C7orf57: variants seen among roughly 807,000 people sequenced by gnomAD.
C7orf57 encodes the protein chromosome 7 open reading frame 57, also known as uncharacterized protein C7orf57.
In C7orf57, 33 loss-of-function variants were observed where a neutral mutation model predicts 39.0. The ratio of observed to expected loss-of-function variants is 0.85; its 90% CI spans 0.64 to 1.13. The LOEUF is 1.13. C7orf57 is among the 50% of genes most tolerant of loss of function. The probability of loss-of-function intolerance (pLI) is 0.00; values close to 1 mark genes in which losing one functional copy is unlikely to be tolerated. For missense variants in C7orf57, 346 were observed against 362.3 expected (o/e 0.95, Z 0.37); for synonymous variants, 124 against 137.1 (o/e 0.90, Z 0.67).
Position 48,051,851 on chromosome 7 carries a change from CTTT to C in C7orf57, c.606-848_606-846del, listed in dbSNP as rs1562630238. On this transcript the variant is annotated intron_variant, in intron 6 of 8. Transcript: ENST00000348904. Reference sequence around the variant, plus strand: ...TCTTTCTTTCTTTCTTTCTTTCTTTCTTTCTTTCTTTCTTTCTTTCTCTTTCTC... The same window carrying C: ...TCTTTCTTTCTTTCTTTCTTTCTTTCCTTTCTTTCTTTCTTTCTCTTTCTC... Among the ~76,000 whole-genome samples the C allele has an allele frequency of 9.0e-4, 59 of 65,600 alleles. 10 individuals are homozygous for C. The highest frequency in any genetic ancestry group is 1.1e-4 in the Non-Finnish European group (4 of 35,006). 43.0% of individuals were successfully genotyped at this position (65,600 alleles called of 152,430 possible). A position where few individuals can be genotyped will look rare whatever the true frequency, so the allele number is the denominator to read the frequency against.
chr7:48,040,503 C>T (rs1180045325), intron 2 of C7orf57, among the ~76,000 whole-genome samples: 1 of 152,186 alleles, frequency 6.6e-6, no homozygotes, highest in Non-Finnish European at 1.5e-5. Flanking sequence ...TTTCAGGAAC[C>T]ATCTAGACCT....
At chr7:48,055,731 A>G (rs1791097980) in intron 8 of C7orf57, among the ~76,000 whole-genome samples, 1 of 152,142 alleles carries the variant, frequency 6.6e-6, no homozygotes, top group Admixed American at 6.6e-5. Flanking sequence ...GTCTTTCTGT[A>G]CCTGGCTTAT....
Position 48,043,338 on chromosome 7 carries a change from A to ATGCTC in C7orf57, c.242-140_242-136dup, listed in dbSNP as rs573295717. On this transcript the variant is annotated intron_variant, in intron 3 of 8. Coordinates refer to ENST00000348904, the MANE Select transcript of C7orf57 (RefSeq NM_001100159.3). Reference sequence around the variant, plus strand: ...GTGCACAGACAGGTGAGGATCAGGGATGCTCTGTTAGTCCCTGGATCCCAG... The same window carrying ATGCTC: ...GTGCACAGACAGGTGAGGATCAGGGATGCTCTGCTCTGTTAGTCCCTGGATCCCAG... 2.3e-4 allele frequency: 146 copies of ATGCTC among 643,432 alleles called. 2 individuals are homozygous for ATGCTC. In the South Asian group the frequency reaches 2.4e-3, roughly 10 times the overall value. The allele number at this position is 643,432 out of a possible 1,614,324, so 39.9% of individuals were successfully genotyped here.
At chr7:48,043,618 GTTTATC>G in intron 4 of C7orf57, 29 bp downstream of exon 4, 1 of 1,567,576 alleles carries the variant, frequency 6.4e-7, no homozygotes, top group Non-Finnish European at 8.8e-7. Context: ...TCACATTTTT[GTTTATC>G]TTTACAGGAA....
rs553479252 is a variant in C7orf57, at chr7:48,036,163, C to A, written c.-101-45C>A. 6.8e-5 allele frequency: 53 copies of A among 774,692 alleles called. No homozygotes were observed. In the South Asian group the frequency reaches 6.9e-4, roughly 10 times the overall value. 48.0% of individuals were successfully genotyped at this position (774,692 alleles called of 1,614,324 possible). On this transcript the variant is annotated intron_variant, in intron 1 of 8. Transcript: ENST00000348904. ...CGCCTGCAGGCGTGTCAGGGCGAGG[C>A]GTACAGACCGACCCAGAGCGGGCGC...
In C7orf57 at chr7:48,060,222, G is replaced by A; in HGVS notation, c.842-4G>A. 1 of 1,523,456 alleles carries A rather than the reference G, an allele frequency of 6.6e-7. No individual in the cohort carries two copies. The highest frequency in any genetic ancestry group is 8.9e-7 in the Non-Finnish European group (1 of 1,127,824). 94.4% of individuals were successfully genotyped at this position (1,523,456 alleles called of 1,614,324 possible). ...TCTACTCATTTATTTACTTTGTGTT[G>A]CAGGCCCAGAAGAATCTGTATCTGC... is the stretch of plus-strand genomic sequence containing the variant. On this transcript the variant is annotated splice_region_variant and splice_polypyrimidine_tract_variant and intron_variant, in intron 8 of 8. Transcript: ENST00000348904.
chr7:48,056,888 C>G (rs1337766249), intron 8 of C7orf57, among the ~76,000 whole-genome samples: 1 of 152,082 alleles, frequency 6.6e-6, no homozygotes, highest in African/African-American at 2.4e-5. Flanking sequence ...AAGAAACTGT[C>G]CTTTCCCTCA....
At chr7:48,039,795 A>ACCC (rs1790492905) in intron 2 of C7orf57, among the ~76,000 whole-genome samples, 5 of 47,688 alleles carry the variant, frequency 1.0e-4, no homozygotes, top group Admixed American at 1.8e-4. Context: ...TATTGAATAG[A>ACCC]AGGGGATATT....
Position 48,036,314 on chromosome 7 carries a change from G to C in C7orf57, c.6G>C (p.Arg2Ser). The C allele has an allele frequency of 1.9e-6, 3 of 1,588,470 alleles. No individual in the cohort carries two copies. The highest frequency in any genetic ancestry group is 2.6e-6 in the Non-Finnish European group (3 of 1,167,724). Residue 2 changes from arginine to serine, a missense_variant, in exon 2 of 9, where the codon AGG (arginine) becomes AGC (serine). Coordinates refer to ENST00000348904, the MANE Select transcript of C7orf57 (RefSeq NM_001100159.3). M[R>S]NTSKELQGAT... ...GCAGCGTGCAGCGCCTGACCATGAG[G>C]AACACAAGCAAGGAACTTCAGGGCG...
Position 48,046,456 on chromosome 7 carries a change from G to A in C7orf57, c.351-4G>A, listed in dbSNP as rs761946232. Reference sequence around the variant, plus strand: ...CAGGCTGTAACTGGTGTCTGTCCTTGCAGAGTGCGGGCTGTCTCCATGCCG... The same window carrying A: ...CAGGCTGTAACTGGTGTCTGTCCTTACAGAGTGCGGGCTGTCTCCATGCCG... On this transcript the variant is annotated splice_region_variant and splice_polypyrimidine_tract_variant and intron_variant, in intron 4 of 8. Coordinates refer to ENST00000348904, the MANE Select transcript of C7orf57 (RefSeq NM_001100159.3). The A allele has an allele frequency of 6.2e-7, 1 of 1,612,178 alleles. No individual in the cohort carries two copies. The highest frequency in any genetic ancestry group is 8.5e-7 in the Non-Finnish European group (1 of 1,179,040).
Position 48,036,363 on chromosome 7 carries a change from G to C in C7orf57, c.55G>C (p.Asp19His), listed in dbSNP as rs370670796. The part of the protein sequence containing the change: ...QGATHRYAPC[D>H]WYYHVPVKRS... Reference sequence around the variant, plus strand: ...CGCCACGCACCGCTACGCTCCCTGCGGTGAGTGCGCCCTGAGCGCGTCCCG... The same window carrying C: ...CGCCACGCACCGCTACGCTCCCTGCCGTGAGTGCGCCCTGAGCGCGTCCCG... Residue 19 changes from aspartate to histidine, a missense_variant and splice_region_variant, in exon 2 of 9, where the codon GAT (aspartate) becomes CAT (histidine). Asp to His is a moderately conservative substitution (Grantham distance 81, BLOSUM62 -1). Coordinates refer to ENST00000348904, the MANE Select transcript of C7orf57 (RefSeq NM_001100159.3). 2 of 1,583,360 alleles carry C rather than the reference G, an allele frequency of 1.3e-6. No individual in the cohort carries two copies. Among genetic ancestry groups the C allele is most frequent in the African/African-American group, 2.7e-5 (2 of 74,190 alleles).
intron 5 of C7orf57, among the ~76,000 whole-genome samples, chr7:48,049,128 C>A (rs1476565849): frequency 6.6e-6 from 1 of 152,190 alleles, no homozygotes; most frequent in Non-Finnish European, 1.5e-5. Flanking sequence ...ACATTCCAAG[C>A]TTCTGATAAG....
At chr7:48,038,223 T>C (rs189726827) in intron 2 of C7orf57, among the ~76,000 whole-genome samples, 636 of 152,338 alleles carry the variant, frequency 4.2e-3, no homozygotes, top group Non-Finnish European at 7.6e-3. Flanking sequence ...AAAAATTCAA[T>C]GTCTAAGCTT....
Position 48,052,716 on chromosome 7 carries a change from A to T in C7orf57, c.622A>T (p.Ser208Cys). 6.2e-7 allele frequency: 1 copy of T among 1,613,936 alleles called. No homozygotes were observed. The highest frequency in any genetic ancestry group is 8.5e-7 in the Non-Finnish European group (1 of 1,179,814). Residue 208 changes from serine (S) to cysteine (C), a missense_variant, in exon 7 of 9, where the codon AGT becomes TGT. Physicochemically the swap from Ser to Cys is moderately radical, Grantham distance 112. Transcript: ENST00000348904. ...CTTTTTAAGGCCTGGTCAAAAAAAC[A>T]GTTCACCTACCAATTTTTCCAAACT... The part of the protein sequence containing the change: ...SFPPVPGQKN[S>C]SPTNFSKLIS...
At chr7:48,054,938 G>A (rs1791072145) in intron 8 of C7orf57, among the ~76,000 whole-genome samples, 1 of 152,000 alleles carries the variant, frequency 6.6e-6, no homozygotes, top group Non-Finnish European at 1.5e-5. Context: ...GTGCAGTGGC[G>A]CGATCTCCGC....
At position 48,049,922 on chromosome 7, in the gene C7orf57, G is replaced by A. The variant is rs1790823762; in HGVS notation, c.550G>A (p.Gly184Ser). Reference protein sequence around the residue: ...AIDSKYLSKAGTPLGPKNPAG... With the variant: ...AIDSKYLSKASTPLGPKNPAG... ...TGACTCAAAGTATCTGAGCAAAGCA[G>A]GCACCCCACTTGGCCCTAAGAATCC... The change falls in exon 6 of 9, where the codon GGC becomes AGC. Residue 184 changes from glycine (G) to serine (S), a missense_variant. Coordinates refer to ENST00000348904, the MANE Select transcript of C7orf57 (RefSeq NM_001100159.3). The A allele has an allele frequency of 6.2e-7, 1 of 1,613,712 alleles. No individual in the cohort carries two copies. The highest frequency in any genetic ancestry group is 1.1e-5 in the South Asian group (1 of 91,056).
chr7:48,044,136 G>T (rs190940977), intron 4 of C7orf57, among the ~76,000 whole-genome samples: 2 of 152,160 alleles, frequency 1.3e-5, no homozygotes, highest in Non-Finnish European at 2.9e-5. Context: ...CCTCTAGCCC[G>T]ATGGGGAGCG....
chr7:48,043,560 C>T lies in C7orf57; in HGVS notation c.321C>T (p.His107=). Residue 107 remains histidine (H), a synonymous_variant, in exon 4 of 9, where the codon CAC becomes CAT. Transcript: ENST00000348904. The part of the protein sequence containing the change: ...AYSLPDWYIH[H]SKPPTASQQE... ...CCCTGCCAGACTGGTATATCCACCA[C>T]AGCAAGCCACCGACAGCCAGCCAGC... 1 of 1,613,922 alleles carries T rather than the reference C, an allele frequency of 6.2e-7. No individual in the cohort carries two copies. Among genetic ancestry groups the T allele is most frequent in the Non-Finnish European group, 8.5e-7 (1 of 1,179,848 alleles).
chr7:48,043,894 G>A (rs544866349), intron 4 of C7orf57, among the ~76,000 whole-genome samples: 3 of 151,992 alleles, frequency 2.0e-5, no homozygotes, highest in African/African-American at 7.2e-5. Flanking sequence ...ATGGTGGCGG[G>A]CTGCTTCCAA....
Sources: gnomAD v4.1 joint callset for allele counts (sites outside exome capture counted in the v4.1 genomes callset) on GRCh38, gnomAD v4.1.1 for gene constraint, MANE v1.5 for transcripts, NCBI Gene and HGNC (gene_info 2026-07-23, HGNC 2026-07-21) for gene names.